Variants in PTPRT observed in about 807,000 individuals in gnomAD.
PTPRT encodes protein tyrosine phosphatase receptor type T.
A neutral mutation model predicts 176.8 loss-of-function variants in PTPRT; 56 were observed. The observed-to-expected ratio is 0.32, with a 90% CI of 0.26 to 0.40. The LOEUF (loss-of-function observed/expected upper bound fraction) is 0.40. Among genes scored for constraint, PTPRT ranks in the 10% least tolerant of loss-of-function variants. The pLI is 1.00. For missense variants in PTPRT, 1,540 were observed against 1,908.2 expected (o/e 0.81, Z 3.60); for synonymous variants, 783 against 739.0 (o/e 1.06, Z -0.96).
chr20:42,051,368 C>T, the PTPRT span, among the ~76,000 whole-genome samples: 4 of 152,238 alleles, frequency 2.6e-5, no homozygotes, highest in East Asian at 1.9e-4. Context: ...GGCTTATTTG[C>T]GTGGTGACCC....
intron 1 of PTPRT, among the ~76,000 whole-genome samples, chr20:43,173,840 C>G (rs2015063224): frequency 6.6e-6 from 1 of 152,250 alleles, no homozygotes. Flanking sequence ...GAAAGACAGT[C>G]TCTCTCTCCT....
At chr20:42,575,908 CT>C (rs980600698) in intron 7 of PTPRT, among the ~76,000 whole-genome samples, 3 of 152,180 alleles carry the variant, frequency 2.0e-5, no homozygotes, top group African/African-American at 4.8e-5. Flanking sequence ...TCTGCTTTCA[CT>C]TTTGTCTCCT....
intron 7 of PTPRT, among the ~76,000 whole-genome samples, chr20:42,629,847 A>G (rs1223654239): frequency 6.6e-6 from 1 of 152,186 alleles, no homozygotes. Context: ...GATTCAAAAC[A>G]GCCACTGCTG....
chr20:42,355,525 G>A (rs1360219547), intron 9 of PTPRT, among the ~76,000 whole-genome samples: 1 of 152,200 alleles, frequency 6.6e-6, no homozygotes, highest in Admixed American at 6.5e-5. Context: ...TCTAGGCAGA[G>A]GGAACCGCGT....
intron 9 of PTPRT, among the ~76,000 whole-genome samples, chr20:42,437,479 G>A (rs892106227): frequency 1.3e-5 from 2 of 152,128 alleles, no homozygotes; most frequent in African/African-American, 4.8e-5. Flanking sequence ...CGTTAAAAAC[G>A]TGCATAAAAT....
At chr20:42,552,942 C>T (rs764303621) in intron 7 of PTPRT, among the ~76,000 whole-genome samples, 5 of 152,098 alleles carry the variant, frequency 3.3e-5, no homozygotes, top group Admixed American at 6.5e-5. Context: ...CAGGTACTGG[C>T]AGGCAAGGGC....
chr20:42,597,385 T>C (rs2073689799), intron 7 of PTPRT, among the ~76,000 whole-genome samples: 2 of 152,190 alleles, frequency 1.3e-5, no homozygotes, highest in African/African-American at 2.4e-5. Context: ...CCATATTCTA[T>C]GGCGATATGG....
At chr20:42,184,513 C>T (rs535379183) in intron 16 of PTPRT, among the ~76,000 whole-genome samples, 2 of 140,068 alleles carry the variant, frequency 1.4e-5, no homozygotes, top group East Asian at 4.3e-4. Flanking sequence ...CCTCCTCCTC[C>T]TCCTCCTTCT....
At chr20:42,560,188 C>T (rs1011369717) in intron 7 of PTPRT, among the ~76,000 whole-genome samples, 7 of 152,126 alleles carry the variant, frequency 4.6e-5, no homozygotes, top group Admixed American at 2.6e-4. Context: ...TTCTGGAAGC[C>T]GACTTCTACA....
In PTPRT at chr20:42,077,179, C is replaced by T. The variant is rs990151298; in HGVS notation, c.*3700G>A. The T allele has an allele frequency of 4.4e-5, 8 of 183,712 alleles. No individual in the cohort carries two copies. Among genetic ancestry groups the T allele is most frequent in the Admixed American group, 6.3e-5 (1 of 15,980 alleles). 11.4% of individuals were successfully genotyped at this position (183,712 alleles called of 1,614,324 possible). ...TCTGTTGGTTCCTTTGCAGGCCACACCCACAGAGAGGGCCAGCACTAAAAG... is the reference window on the plus strand; with the variant it reads ...TCTGTTGGTTCCTTTGCAGGCCACATCCACAGAGAGGGCCAGCACTAAAAG... On this transcript the variant is annotated 3_prime_UTR_variant, in exon 31 of 31. Transcript: ENST00000373187.
chr20:43,083,333 T>TAC lies in PTPRT; in HGVS notation c.88+106312_88+106313insGT, dbSNP rs1568773932. On this transcript the variant is annotated intron_variant, in intron 1 of 30. Transcript: ENST00000373187. ...CCCACTTCAAATGTATATATATATA[T>TAC]ATATATATATATATATATATATATA... Among the ~76,000 whole-genome samples the TAC allele has an allele frequency of 1.2e-3, 118 of 100,540 alleles. 3 individuals are homozygous for TAC. The highest frequency in any genetic ancestry group is 5.2e-3 in the African/African-American group (117 of 22,438). 66.0% of individuals were successfully genotyped at this position (100,540 alleles called of 152,430 possible).
At chr20:42,110,575 G>A in intron 22 of PTPRT, 88 bp from the exon 23 acceptor site, 1 of 1,406,452 alleles carries the variant, frequency 7.1e-7, no homozygotes, top group Non-Finnish European at 9.5e-7. Flanking sequence ...GCTGCACTGA[G>A]GAACCTCCCG....
intron 9 of PTPRT, among the ~76,000 whole-genome samples, chr20:42,397,922 T>C (rs2058867399): frequency 6.6e-6 from 1 of 152,226 alleles, no homozygotes; most frequent in Non-Finnish European, 1.5e-5. Context: ...AGACACTTAC[T>C]TTGTACCAGT....
intron 12 of PTPRT, among the ~76,000 whole-genome samples, chr20:42,307,226 T>C (rs2057556680): frequency 6.6e-6 from 1 of 152,218 alleles, no homozygotes; most frequent in Non-Finnish European, 1.5e-5. Context: ...GAAAATGCTA[T>C]GCACCACTTT....
chr20:42,708,709 G>C (rs995749390), intron 6 of PTPRT, among the ~76,000 whole-genome samples: 8 of 152,174 alleles, frequency 5.3e-5, no homozygotes, highest in African/African-American at 9.7e-5. Flanking sequence ...TGTGGCCTCA[G>C]TGCCCTATCA....
At chr20:42,980,073 G>T (rs987960230) in intron 1 of PTPRT, among the ~76,000 whole-genome samples, 15 of 152,022 alleles carry the variant, frequency 9.9e-5, no homozygotes, top group Admixed American at 8.5e-4. Context: ...ACTGCAAAAC[G>T]TGGTGTGGTT....
intron 6 of PTPRT, among the ~76,000 whole-genome samples, chr20:42,726,889 T>C (rs1253328817): frequency 6.6e-6 from 1 of 152,176 alleles, no homozygotes; most frequent in Non-Finnish European, 1.5e-5. Flanking sequence ...AGTGGGAGAA[T>C]AGAAGAGCTT....
chr20:42,281,693 T>C (rs2057141667), intron 13 of PTPRT, among the ~76,000 whole-genome samples: 1 of 152,180 alleles, frequency 6.6e-6, no homozygotes, highest in Admixed American at 6.5e-5. Context: ...AAGCAGTCTA[T>C]GAAACTATGG....
At chr20:42,579,005 C>T (rs530326751) in intron 7 of PTPRT, among the ~76,000 whole-genome samples, 156 of 151,318 alleles carry the variant, frequency 1.0e-3, no homozygotes, top group Non-Finnish European at 1.5e-3. Flanking sequence ...TGTGCTGCAC[C>T]CATTAACTCG....
Sources: gnomAD v4.1 joint callset for allele counts (sites outside exome capture counted in the v4.1 genomes callset) on GRCh38, gnomAD v4.1.1 for gene constraint, MANE v1.5 for transcripts, NCBI Gene and HGNC (gene_info 2026-07-23, HGNC 2026-07-21) for gene names.